The following GNAL variants were observed in gnomAD, a reference collection of about 807,000 sequenced individuals.
GNAL encodes the protein guanine nucleotide-binding protein G(olf) subunit alpha.
Under a neutral mutation model 55.1 loss-of-function variants are expected in GNAL, and 18 were observed. That is an observed-to-expected ratio of 0.33 (90% CI 0.23 to 0.48). GNAL has a LOEUF of 0.48. Among genes scored for constraint, GNAL ranks in the 20% least tolerant of loss-of-function variants. The pLI, the probability that GNAL is intolerant of heterozygous loss-of-function variation, is 0.99. For synonymous variants in GNAL, 253 were observed against 237.0 expected (o/e 1.07, Z -0.62); for missense variants, 412 against 614.1 (o/e 0.67, Z 3.48).
chr18:11,787,392 A>T (rs1307238712), intron 4 of GNAL, among the ~76,000 whole-genome samples: 2 of 152,166 alleles, frequency 1.3e-5, no homozygotes, highest in African/African-American at 4.8e-5. Flanking sequence ...TGACAATATG[A>T]TCACCAGTGA....
chr18:11,805,289 A>G (rs1256595215), intron 4 of GNAL, among the ~76,000 whole-genome samples: 2 of 152,018 alleles, frequency 1.3e-5, no homozygotes, highest in Admixed American at 6.6e-5. Flanking sequence ...GGTGAAGTAC[A>G]GGTGCAATTT....
chr18:11,871,568 T>C (rs1368060764), intron 9 of GNAL, among the ~76,000 whole-genome samples: 1 of 152,166 alleles, frequency 6.6e-6, no homozygotes, highest in Non-Finnish European at 1.5e-5. Context: ...TATTAATTGA[T>C]AGTAAGATTC....
rs562516000 is a variant in GNAL, at chr18:11,883,359, T to A, written c.*2224T>A. On this transcript the variant is annotated 3_prime_UTR_variant, in exon 12 of 12. Coordinates refer to ENST00000334049, the MANE Select transcript of GNAL (RefSeq NM_182978.4). ...CTGCACCCCCAGCAAGAAAGGGAAG[T>A]ATGCTGTTGTATGCATCATTACTCA... The A allele has an allele frequency of 2.0e-5, 3 of 153,316 alleles. No homozygotes were observed. The East Asian group carries it at 5.8e-4, about 30-fold the overall frequency. 9.5% of individuals were successfully genotyped at this position (153,316 alleles called of 1,614,324 possible). A position where few individuals can be genotyped will look rare whatever the true frequency, so the allele number is the denominator to read the frequency against.
intron 4 of GNAL, among the ~76,000 whole-genome samples, chr18:11,771,236 AAAAG>A (rs1467061816): frequency 6.6e-6 from 1 of 151,622 alleles, no homozygotes; most frequent in African/African-American, 2.4e-5. Context: ...AAAAAAGAAA[AAAAG>A]AGATTATCAT....
At chr18:11,876,916 A>C (rs990876010) in intron 11 of GNAL, among the ~76,000 whole-genome samples, 13 of 152,200 alleles carry the variant, frequency 8.5e-5, no homozygotes, top group African/African-American at 3.1e-4. Flanking sequence ...GGGTGAGAAC[A>C]CAGCGTTCCA....
chr18:11,842,413 C>T lies in GNAL; in HGVS notation c.722+17398C>T, dbSNP rs375187495. ...GGATGGTTTCAAGATGAATCCAGTGCATTACGTTTACTGTGCTCTTCTATT... is the reference window on the plus strand; with the variant it reads ...GGATGGTTTCAAGATGAATCCAGTGTATTACGTTTACTGTGCTCTTCTATT... On this transcript the variant is annotated intron_variant, in intron 5 of 11. Coordinates refer to ENST00000334049, the MANE Select transcript of GNAL (RefSeq NM_182978.4). Among the ~76,000 whole-genome samples, 17 of 152,212 alleles carry T rather than the reference C, an allele frequency of 1.1e-4. 1 individual carries two copies. In the East Asian group the frequency reaches 2.1e-3, roughly 19 times the overall value.
intron 5 of GNAL, among the ~76,000 whole-genome samples, chr18:11,856,634 T>C (rs916674926): frequency 6.7e-6 from 1 of 148,368 alleles, no homozygotes; most frequent in African/African-American, 2.6e-5. Flanking sequence ...TTACTCAAAA[T>C]GACAATACAG....
chr18:11,739,942 C>T (rs1185503087), intron 1 of GNAL, among the ~76,000 whole-genome samples: 1 of 152,004 alleles, frequency 6.6e-6, no homozygotes, highest in Non-Finnish European at 1.5e-5. Flanking sequence ...CCTCCCCCTG[C>T]GTTCAGCATC....
chr18:11,702,676 A>C (rs78968524), intron 1 of GNAL, among the ~76,000 whole-genome samples: 7,196 of 152,136 alleles, frequency 0.047, 198 homozygotes, highest in Middle Eastern at 0.088. Flanking sequence ...CCTGTGCGGG[A>C]GACAAAGGTA....
chr18:11,842,200 C>T (rs56206349), intron 5 of GNAL, among the ~76,000 whole-genome samples: 95,939 of 151,590 alleles, frequency 0.63, 32,519 homozygotes, highest in Admixed American at 0.78. Context: ...AGGCTGGTCT[C>T]GAATTCCCGA....
At chr18:11,857,264 T>C (rs1192960423) in intron 5 of GNAL, 1 of 152,808 alleles carries the variant, frequency 6.5e-6, no homozygotes, top group Non-Finnish European at 1.5e-5. Flanking sequence ...TGTGAAACAG[T>C]AAGTGCCGGA....
At chr18:11,851,628 C>G in intron 5 of GNAL, 1 of 1,613,928 alleles carries the variant, frequency 6.2e-7, no homozygotes, top group Non-Finnish European at 8.5e-7. Context: ...TTAAAAAGGC[C>G]ATTCAGAAGG....
chr18:11,752,657 G>A lies in GNAL; in HGVS notation c.377-196G>A. On this transcript the variant is annotated intron_variant, in intron 1 of 11. Transcript: ENST00000334049. This position sits in a 1 kb window ranked among gnomAD's most constrained non-coding sequence, Gnocchi z 4.5. ...GAGCGGCGAGCGCCAGGCTGGGCGG[G>A]CAGGGCCGGGCGAGGGTCGCGCGCA... 4 of 1,365,532 alleles carry A rather than the reference G, an allele frequency of 2.9e-6. No homozygotes were observed. In the South Asian group the frequency reaches 5.0e-5, roughly 17 times the overall value. 84.6% of individuals were successfully genotyped at this position (1,365,532 alleles called of 1,614,324 possible).
At chr18:11,766,862 C>T (rs2033422597) in intron 4 of GNAL, among the ~76,000 whole-genome samples, 1 of 152,188 alleles carries the variant, frequency 6.6e-6, no homozygotes, top group Admixed American at 6.5e-5. Flanking sequence ...TTAAGCCAGG[C>T]AGGACGTTTG....
intron 1 of GNAL, among the ~76,000 whole-genome samples, chr18:11,695,982 A>G (rs1029488219): frequency 6.6e-6 from 1 of 152,010 alleles, no homozygotes; most frequent in African/African-American, 2.4e-5. Flanking sequence ...AATGTTCTCC[A>G]CTCTGGGATT....
At chr18:11,734,109 G>A (rs1040800153) in intron 1 of GNAL, among the ~76,000 whole-genome samples, 16 of 151,802 alleles carry the variant, frequency 1.1e-4, no homozygotes, top group African/African-American at 3.6e-4. Flanking sequence ...GATGGAACTG[G>A]GGGTTAGGGA....
At chr18:11,822,227 C>A (rs1458276136) in intron 4 of GNAL, among the ~76,000 whole-genome samples, 1 of 152,150 alleles carries the variant, frequency 6.6e-6, no homozygotes, top group Non-Finnish European at 1.5e-5. Context: ...ATCACTTGAG[C>A]CTGGAGTTCG....
intron 1 of GNAL, among the ~76,000 whole-genome samples, chr18:11,710,904 C>A (rs2031822105): frequency 6.6e-6 from 1 of 151,640 alleles, no homozygotes; most frequent in Non-Finnish European, 1.5e-5. Flanking sequence ...GAGATGGAGT[C>A]TCGCTCTGTT....
Position 11,752,710 on chromosome 18 carries a change from G to A in GNAL, c.377-143G>A. 8.6e-7 allele frequency: 1 copy of A among 1,164,556 alleles called. No homozygotes were observed. Among genetic ancestry groups the A allele is most frequent in the Non-Finnish European group, 1.2e-6 (1 of 840,440 alleles). 72.1% of individuals were successfully genotyped at this position (1,164,556 alleles called of 1,614,324 possible). A position where few individuals can be genotyped will look rare whatever the true frequency, so the allele number is the denominator to read the frequency against. ...TCTGGGCCGCGGAGCCCAGACGGCG[G>A]CCGGGGCGAGCTCCTCCAGCCAGGA... On this transcript the variant is annotated intron_variant, in intron 1 of 11. Transcript: ENST00000334049. This position sits in a 1 kb window ranked among gnomAD's most constrained non-coding sequence, Gnocchi z 4.5.
Sources: allele counts gnomAD v4.1 joint callset (sites outside exome capture counted in the v4.1 genomes callset), GRCh38; gene constraint gnomAD v4.1.1; non-coding constraint Gnocchi (gnomAD v3.1); transcripts MANE v1.5; gene names NCBI Gene and HGNC (gene_info 2026-07-23, HGNC 2026-07-21).